LTV1: variants seen among roughly 807,000 people sequenced by gnomAD.
The protein encoded by LTV1 is LTV1 ribosome biogenesis factor, also known as protein LTV1 homolog.
LTV1 carries 39 observed loss-of-function variants against 59.9 expected under a neutral mutation model. The ratio of observed to expected loss-of-function variants is 0.65; its 90% CI spans 0.50 to 0.85. The LOEUF (loss-of-function observed/expected upper bound fraction) is 0.85. LTV1 is among the 40% of genes least tolerant of loss of function. The pLI is 0.00. For missense variants in LTV1, 493 were observed against 549.1 expected (o/e 0.90, Z 1.02); for synonymous variants, 171 against 189.5 (o/e 0.90, Z 0.80).
At chr6:143,859,516 GATAA>G (rs991007272) in intron 6 of LTV1, among the ~76,000 whole-genome samples, 1 of 152,168 alleles carries the variant, frequency 6.6e-6, no homozygotes, top group Non-Finnish European at 1.5e-5. Context: ...TTCCATAAAT[GATAA>G]ATGAATGAAG....
In LTV1 at chr6:143,863,326, G is replaced by T; in HGVS notation, c.1317+40G>T. 6.2e-7 allele frequency: 1 copy of T among 1,603,216 alleles called. No homozygotes were observed. On this transcript the variant is annotated intron_variant, in intron 10 of 10. Transcript: ENST00000367576. This position sits in a 1 kb window ranked among gnomAD's most constrained non-coding sequence, Gnocchi z 4.5. Reference sequence around the variant, plus strand: ...TCAAATGTGAGATTTACAAAGAGCTGGTGGAGGGGAAATTAGGGGAATTTT... The same window carrying T: ...TCAAATGTGAGATTTACAAAGAGCTTGTGGAGGGGAAATTAGGGGAATTTT...
intron 3 of LTV1, 134 bp from the exon 4 acceptor site, chr6:143,849,997 T>C: frequency 3.2e-6 from 2 of 628,342 alleles, no homozygotes; most frequent in South Asian, 4.0e-5. Context: ...TTATTATAGT[T>C]GAGAGGACCC....
intron 3 of LTV1, among the ~76,000 whole-genome samples, chr6:143,847,679 A>G (rs1776916271): frequency 6.6e-6 from 1 of 152,228 alleles, no homozygotes; most frequent in African/African-American, 2.4e-5. Context: ...CTAACTTTTA[A>G]TCCTTAATTC....
intron 4 of LTV1, among the ~76,000 whole-genome samples, chr6:143,851,606 G>A (rs1410822638): frequency 1.3e-5 from 2 of 151,572 alleles, no homozygotes; most frequent in East Asian, 1.9e-4. Flanking sequence ...TTTAAGTCCT[G>A]GGATATATAT....
In LTV1 at chr6:143,854,102, A is replaced by G. The variant is rs543558830; in HGVS notation, c.398-3201A>G. Among the ~76,000 whole-genome samples the G allele has an allele frequency of 2.9e-4, 44 of 152,212 alleles. 2 individuals carry two copies. The highest frequency in any genetic ancestry group is 1.0e-3 in the African/African-American group (43 of 41,546). On this transcript the variant is annotated intron_variant, in intron 4 of 10. Coordinates refer to ENST00000367576, the MANE Select transcript of LTV1 (RefSeq NM_032860.5). Reference sequence around the variant, plus strand: ...GTCCTGGGCTTCTCTTTTGGTTGGTAGGCTATTGCTGCCTCTATTTCAGAA... The same window carrying G: ...GTCCTGGGCTTCTCTTTTGGTTGGTGGGCTATTGCTGCCTCTATTTCAGAA...
chr6:143,858,411 C>T (rs1471628964), intron 6 of LTV1: 2 of 183,008 alleles, frequency 1.1e-5, no homozygotes, highest in Middle Eastern at 2.3e-3. Flanking sequence ...GCCCTTAAAA[C>T]CCCCAGAAGT....
In LTV1 at chr6:143,846,012, T is replaced by C. The variant is rs1320114854; in HGVS notation, c.136-39T>C. ...AGGCTTACTGATTCCATTTTGTTTA[T>C]AGATAGTGAAGAAAGTACTAATTCC... On this transcript the variant is annotated intron_variant, in intron 2 of 10. Coordinates refer to ENST00000367576, the MANE Select transcript of LTV1 (RefSeq NM_032860.5). The C allele has an allele frequency of 3.1e-6, 5 of 1,595,928 alleles. No homozygotes were observed. The South Asian group carries it at 3.4e-5, about 11-fold the overall frequency.
intron 2 of LTV1, among the ~76,000 whole-genome samples, chr6:143,845,273 T>C (rs1359272795): frequency 6.6e-6 from 1 of 152,072 alleles, no homozygotes; most frequent in Admixed American, 6.6e-5. Context: ...TGAAACAGAG[T>C]GTTGGGAAAC....
rs77703951 is a variant in LTV1 at position 143,844,156 on chromosome 6, A to C, written c.4-330A>C. ...AGCAGCCAGTGTAAAGTAGCTTTTAAGGCATTTTCACGTCACTGTCTTATA... is the reference window on the plus strand; with the variant it reads ...AGCAGCCAGTGTAAAGTAGCTTTTACGGCATTTTCACGTCACTGTCTTATA... On this transcript the variant is annotated intron_variant, in intron 1 of 10. Transcript: ENST00000367576. Among the ~76,000 whole-genome samples the C allele has an allele frequency of 8.8e-3, 1,340 of 152,314 alleles. 21 individuals are homozygous for C. Among genetic ancestry groups the C allele is most frequent in the African/African-American group, 0.031 (1,292 of 41,562 alleles).
At chr6:143,856,494 A>T (rs1385341665) in intron 4 of LTV1, among the ~76,000 whole-genome samples, 1 of 152,108 alleles carries the variant, frequency 6.6e-6, no homozygotes, top group Non-Finnish European at 1.5e-5. Flanking sequence ...AGGAGTTGTG[A>T]TCCTTTGAAG....
Position 143,863,675 on chromosome 6 carries a change from G to T in LTV1, c.*148G>T. The T allele has an allele frequency of 2.0e-6, 1 of 502,904 alleles. No individual in the cohort carries two copies. The highest frequency in any genetic ancestry group is 3.6e-6 in the Non-Finnish European group (1 of 279,002). 31.2% of individuals were successfully genotyped at this position (502,904 alleles called of 1,614,324 possible). On this transcript the variant is annotated 3_prime_UTR_variant, in exon 11 of 11. Transcript: ENST00000367576. The surrounding 1 kb of genome is among the most constrained non-coding windows in gnomAD (Gnocchi z 4.5). ...ATTTGTATTATTTTTATACTAGTAA[G>T]TGTCCCCTGCCAACCATCTTGTAAA...
chr6:143,858,198 C>G lies in LTV1; in HGVS notation c.795+191C>G, dbSNP rs1310118565. ...AGGGTATCAGTGCAGTACAGGAGCACAAAGACTGCAAAGGGAGCATAGAAC... is the reference window on the plus strand; with the variant it reads ...AGGGTATCAGTGCAGTACAGGAGCAGAAAGACTGCAAAGGGAGCATAGAAC... On this transcript the variant is annotated intron_variant, in intron 6 of 10. Coordinates refer to ENST00000367576, the MANE Select transcript of LTV1 (RefSeq NM_032860.5). The G allele has an allele frequency of 2.9e-5, 18 of 613,910 alleles. 1 individual carries two copies. The allele number at this position is 613,910 out of a possible 1,614,324, so 38.0% of individuals were successfully genotyped here.
intron 3 of LTV1, 144 bp downstream of exon 3, chr6:143,846,368 GCATGTGTATAC>G: frequency 1.4e-6 from 1 of 720,202 alleles, no homozygotes; most frequent in Non-Finnish European, 2.3e-6. Context: ...ATATGTGTAT[GCATGTGTATAC>G]CATCAGGAGA....
intron 4 of LTV1, among the ~76,000 whole-genome samples, chr6:143,851,627 C>G (rs1486137417): frequency 6.6e-6 from 1 of 151,140 alleles, no homozygotes; most frequent in Non-Finnish European, 1.5e-5. Flanking sequence ...GCAGAATGTG[C>G]AGGTTTGTTA....
At chr6:143,844,373 T>C (rs1355171627) in intron 1 of LTV1, 113 bp from the exon 2 acceptor site, 1 of 1,195,846 alleles carries the variant, frequency 8.4e-7, no homozygotes, top group Non-Finnish European at 1.2e-6. Context: ...GAAGTGTAGA[T>C]TTTTAAAAAG....
chr6:143,862,098 T>C lies in LTV1; in HGVS notation c.924-6T>C. The C allele has an allele frequency of 6.2e-7, 1 of 1,608,584 alleles. No homozygotes were observed. The highest frequency in any genetic ancestry group is 8.5e-7 in the Non-Finnish European group (1 of 1,178,194). Reference sequence around the variant, plus strand: ...TGGTCTTCACTTTTAAAAACTCGTCTAAAAGTTGTGTAAAATTGAATACCC... The same window carrying C: ...TGGTCTTCACTTTTAAAAACTCGTCCAAAAGTTGTGTAAAATTGAATACCC... On this transcript the variant is annotated splice_region_variant and splice_polypyrimidine_tract_variant and intron_variant, in intron 7 of 10. Coordinates refer to ENST00000367576, the MANE Select transcript of LTV1 (RefSeq NM_032860.5). This position sits in a 1 kb window ranked among gnomAD's most constrained non-coding sequence, Gnocchi z 4.2.
chr6:143,848,526 G>A (rs1466403373), intron 3 of LTV1, among the ~76,000 whole-genome samples: 10 of 152,210 alleles, frequency 6.6e-5, no homozygotes, highest in Admixed American at 5.2e-4. Flanking sequence ...CTTTCTCAGT[G>A]AGCCAATGAG....
chr6:143,846,246 A>G, intron 3 of LTV1, 22 bp downstream of exon 3: 2 of 1,601,048 alleles, frequency 1.2e-6, no homozygotes, highest in Non-Finnish European at 1.7e-6. Flanking sequence ...CAGCAATTTA[A>G]TTGTGGGAGT....
chr6:143,857,550 T>A lies in LTV1; in HGVS notation c.539+106T>A. On this transcript the variant is annotated intron_variant, in intron 5 of 10. Coordinates refer to ENST00000367576, the MANE Select transcript of LTV1 (RefSeq NM_032860.5). This position sits in a 1 kb window ranked among gnomAD's most constrained non-coding sequence, Gnocchi z 5.2. The stretch of plus-strand genomic sequence containing the variant: ...GTTGGAAGAGACCTTCAAGAGCATT[T>A]AATCTGAGACTTCTGTATTTTAGAG... 2 of 1,166,100 alleles carry A rather than the reference T, an allele frequency of 1.7e-6. No individual in the cohort carries two copies. The highest frequency in any genetic ancestry group is 2.5e-6 in the Non-Finnish European group (2 of 805,460). The allele number at this position is 1,166,100 out of a possible 1,614,324, so 72.2% of individuals were successfully genotyped here.
Sources: gnomAD v4.1 joint callset for allele counts (sites outside exome capture counted in the v4.1 genomes callset) on GRCh38, gnomAD v4.1.1 for gene constraint, Gnocchi (gnomAD v3.1) non-coding constraint, MANE v1.5 for transcripts, NCBI Gene and HGNC (gene_info 2026-07-23, HGNC 2026-07-21) for gene names.